Variants in NRXN3 observed in about 807,000 individuals in gnomAD.
The protein encoded by NRXN3 is neurexin 3.
NRXN3 carries 32 observed loss-of-function variants against 137.6 expected under a neutral mutation model. The ratio of observed to expected loss-of-function variants is 0.23; its 90% confidence interval spans 0.18 to 0.31. NRXN3 has a LOEUF of 0.31. NRXN3 is among the 10% of genes least tolerant of loss of function. NRXN3 has a pLI of 1.00. For synonymous variants in NRXN3, 798 were observed against 784.5 expected, an observed-to-expected ratio of 1.02 and a Z score of -0.29; for missense variants, 1,574 against 2,062.5, an observed-to-expected ratio of 0.76 and a Z score of 4.59.
chr14:79,826,715 C>T (rs577992056), intron 20 of NRXN3, among the ~76,000 whole-genome samples: 20 of 152,218 alleles, frequency 1.3e-4, no homozygotes, highest in African/African-American at 4.8e-4. Context: ...ATTTTTTTCC[C>T]AGTCTGTGAT....
At chr14:78,394,151 G>A (rs73316003) in intron 4 of NRXN3, among the ~76,000 whole-genome samples, 3,303 of 151,972 alleles carry the variant, frequency 0.022, 95 homozygotes, top group African/African-American at 0.071. Flanking sequence ...AACAGTGTGA[G>A]CAGACATTCT....
At chr14:78,379,188 C>G (rs897817484) in intron 4 of NRXN3, among the ~76,000 whole-genome samples, 3 of 152,154 alleles carry the variant, frequency 2.0e-5, no homozygotes, top group African/African-American at 2.4e-5. Context: ...TTCTACCAAA[C>G]AGCAGAGTTG....
intron 15 of NRXN3, among the ~76,000 whole-genome samples, chr14:79,057,931 A>G (rs1304213314): frequency 1.3e-5 from 2 of 152,134 alleles, no homozygotes; most frequent in Non-Finnish European, 2.9e-5. Context: ...TATTAAGACT[A>G]GGAGTGATAA....
intron 18 of NRXN3, among the ~76,000 whole-genome samples, chr14:79,695,440 G>T (rs978712940): frequency 2.0e-5 from 3 of 151,922 alleles, no homozygotes; most frequent in Non-Finnish European, 2.9e-5. Flanking sequence ...GCAGTTGTGT[G>T]CATGGAAAGT....
intron 6 of NRXN3, among the ~76,000 whole-genome samples, chr14:78,679,528 AATTAAC>A (rs1271188840): frequency 2.6e-5 from 4 of 152,322 alleles, no homozygotes; most frequent in African/African-American, 9.6e-5. Flanking sequence ...CAATTTGATG[AATTAAC>A]TTTAATAACA....
At chr14:78,749,754 C>A (rs2098632177) in intron 8 of NRXN3, among the ~76,000 whole-genome samples, 1 of 152,156 alleles carries the variant, frequency 6.6e-6, no homozygotes, top group South Asian at 2.1e-4. Context: ...CCCTGGGGTT[C>A]CTTTCACTTT....
At chr14:79,462,221 A>G (rs2096354005) in intron 15 of NRXN3, among the ~76,000 whole-genome samples, 1 of 151,596 alleles carries the variant, frequency 6.6e-6, no homozygotes, top group South Asian at 2.1e-4. Flanking sequence ...TAAAAATACA[A>G]AATTAGCCAG....
At chr14:79,190,626 A>G (rs17108898) in intron 15 of NRXN3, among the ~76,000 whole-genome samples, 5,411 of 152,206 alleles carry the variant, frequency 0.036, 230 homozygotes, top group East Asian at 0.21. Flanking sequence ...TTCCGAGGTT[A>G]TATATCAAAA....
chr14:78,387,604 T>C (rs745727267), intron 4 of NRXN3, among the ~76,000 whole-genome samples: 4 of 152,186 alleles, frequency 2.6e-5, no homozygotes, highest in Non-Finnish European at 5.9e-5. Flanking sequence ...AATTGGCCCC[T>C]CTCTTGGGAA....
At chr14:78,550,685 T>C (rs997999713) in intron 4 of NRXN3, among the ~76,000 whole-genome samples, 5 of 152,160 alleles carry the variant, frequency 3.3e-5, no homozygotes, top group Admixed American at 1.3e-4. Context: ...CAATCTTGCC[T>C]GGCCTAAAGG....
At chr14:78,802,329 A>G (rs2098841677) in intron 8 of NRXN3, among the ~76,000 whole-genome samples, 1 of 152,180 alleles carries the variant, frequency 6.6e-6, no homozygotes, top group Admixed American at 6.5e-5. Context: ...TGGGAACTGA[A>G]CAATGAGAAC....
intron 6 of NRXN3, among the ~76,000 whole-genome samples, chr14:78,679,964 GT>G (rs1385407762): frequency 1.3e-5 from 2 of 151,952 alleles, no homozygotes; most frequent in Non-Finnish European, 2.9e-5. Flanking sequence ...TTGCTCTTTG[GT>G]TTTGACATTT....
chr14:78,679,635 G>T (rs2098052217), intron 6 of NRXN3, among the ~76,000 whole-genome samples: 1 of 152,058 alleles, frequency 6.6e-6, no homozygotes, highest in African/African-American at 2.4e-5. Flanking sequence ...TCCTTTATTT[G>T]TGAGTGGGAA....
At position 79,231,797 on chromosome 14, in the gene NRXN3, G is replaced by T. The variant is rs529133456; in HGVS notation, c.3263-235424G>T. ...TAAACTACTTTTAAAGCATAAGTCA[G>T]CAGCCTTTTGTTTTATGAAATAGTA... On this transcript the variant is annotated intron_variant, in intron 15 of 20. Transcript: ENST00000335750. 2.0e-5 allele frequency among the ~76,000 whole-genome samples: 3 copies of T among 152,238 alleles called. No individual in the cohort carries two copies. In the East Asian group the frequency reaches 5.8e-4, roughly 29 times the overall value.
At chr14:78,997,571 CTTGTAAAATAGAAATAATAAATATAATT>C (rs2099532599) in intron 15 of NRXN3, among the ~76,000 whole-genome samples, 1 of 152,144 alleles carries the variant, frequency 6.6e-6, no homozygotes, top group South Asian at 2.1e-4. Context: ...TTTACTTTGT[CTTGTAAAATAGAAATAATAAATATAATT>C]TTGTTCTTTT....
chr14:79,073,997 C>A (rs981568407), intron 15 of NRXN3, among the ~76,000 whole-genome samples: 1 of 152,170 alleles, frequency 6.6e-6, no homozygotes, highest in Non-Finnish European at 1.5e-5. Flanking sequence ...ATGGTAGGCA[C>A]AATATACATT....
chr14:78,761,892 T>A (rs1289489632), intron 8 of NRXN3, among the ~76,000 whole-genome samples: 2 of 152,180 alleles, frequency 1.3e-5, no homozygotes, highest in African/African-American at 4.8e-5. Context: ...TGATGGTATT[T>A]AGAGTTTATT....
At chr14:79,815,964 T>C (rs1197855270) in intron 20 of NRXN3, among the ~76,000 whole-genome samples, 21 of 152,306 alleles carry the variant, frequency 1.4e-4, no homozygotes. Flanking sequence ...CTTTTGAAAA[T>C]GGCCATGTTT....
At chr14:79,852,759 G>A (rs2099394468) in intron 20 of NRXN3, among the ~76,000 whole-genome samples, 1 of 152,056 alleles carries the variant, frequency 6.6e-6, no homozygotes, top group African/African-American at 2.4e-5. Context: ...TTTCAAGCCT[G>A]TGCGTCTGGT....
Sources: allele counts gnomAD v4.1 joint callset (sites outside exome capture counted in the v4.1 genomes callset), GRCh38; gene constraint gnomAD v4.1.1; transcripts MANE v1.5; gene names NCBI Gene and HGNC (gene_info 2026-07-23, HGNC 2026-07-21).